The following MCMBP variants were observed in gnomAD, a reference collection of about 807,000 sequenced individuals.
MCMBP encodes minichromosome maintenance complex binding protein, also known as mini-chromosome maintenance complex-binding protein.
Under a neutral mutation model 81.3 loss-of-function variants are expected in MCMBP, and 31 were observed. The observed-to-expected ratio is 0.38, with a 90% CI of 0.29 to 0.51. The LOEUF (loss-of-function observed/expected upper bound fraction) is 0.51. Ranked by LOEUF, MCMBP falls within the 20% of genes least tolerant of loss-of-function variation. The pLI is 0.87. For missense variants in MCMBP, 645 were observed against 772.1 expected (o/e 0.84, Z 1.95); for synonymous variants, 267 against 275.9 (o/e 0.97, Z 0.32).
At position 119,843,311 on chromosome 10, in the gene MCMBP, A is replaced by G. The variant is rs755382598; in HGVS notation, c.943T>C (p.Leu315=). The part of the protein sequence containing the change: ...PRIHVILAQK[L]QHINPLLPAC... ...GGCAATAATGGGTTGATGTGTTGCA[A>G]CTTCTGGGCTAAGATCACATGAATT... Residue 315 remains leucine, a synonymous_variant, in exon 9 of 16, where the codon TTG becomes CTG. Coordinates refer to ENST00000369077, the MANE Select transcript of MCMBP (RefSeq NM_001256378.2). 3.1e-6 allele frequency: 5 copies of G among 1,614,016 alleles called. No homozygotes were observed. The Admixed American group carries it at 8.3e-5, about 27-fold the overall frequency.
Position 119,859,160 on chromosome 10 carries a change from G to C in MCMBP, c.166C>G (p.Pro56Ala), listed in dbSNP as rs747816047. Residue 56 changes from proline (P) to alanine (A), a missense_variant, in exon 3 of 16, where the codon CCC becomes GCC. By Grantham distance (27) the Pro-to-Ala change is conservative (BLOSUM62 -1). Coordinates refer to ENST00000369077, the MANE Select transcript of MCMBP (RefSeq NM_001256378.2). ...CTATTAGGTTTCAAATAATGAAGGG[G>C]AACTTCGTTCAGTGATGGTACCTTA... ...PKWVPSLNEV[P>A]LHYLKPNSFV... is the part of the protein sequence containing the mutation. 3.5e-5 allele frequency: 57 copies of C among 1,613,390 alleles called. No homozygotes were observed. Among genetic ancestry groups the C allele is most frequent in the Non-Finnish European group, 4.7e-5 (55 of 1,179,786 alleles).
intron 4 of MCMBP, 118 bp from the exon 5 acceptor site, chr10:119,857,557 T>C: frequency 1.8e-6 from 1 of 554,450 alleles, no homozygotes; most frequent in Non-Finnish European, 3.2e-6. Flanking sequence ...TACAGATTAA[T>C]TAACAAGTAA....
chr10:119,842,671 A>G, intron 9 of MCMBP, 76 bp from the exon 10 acceptor site: 1 of 1,499,204 alleles, frequency 6.7e-7, no homozygotes, highest in Non-Finnish European at 9.0e-7. Flanking sequence ...AAAAATAACT[A>G]CGTGAGCAAA....
At chr10:119,871,545 A>G (rs1434908942) in intron 1 of MCMBP, among the ~76,000 whole-genome samples, 2 of 152,186 alleles carry the variant, frequency 1.3e-5, no homozygotes, top group African/African-American at 2.4e-5. Flanking sequence ...AGGCCCTCCT[A>G]TAAGAAATAC....
At position 119,830,640 on chromosome 10, in the gene MCMBP, G is replaced by A. The variant is rs1000376674; in HGVS notation, c.*834C>T. ...GGTTCTCAAATGCACTGGGATAGGAGAAAATAAAGACAATGTAGTGTCTTG... is the reference window on the plus strand; with the variant it reads ...GGTTCTCAAATGCACTGGGATAGGAAAAAATAAAGACAATGTAGTGTCTTG... On this transcript the variant is annotated 3_prime_UTR_variant, in exon 16 of 16. Transcript: ENST00000369077. 1 of 152,462 alleles carries A rather than the reference G, an allele frequency of 6.6e-6. No individual in the cohort carries two copies. 9.4% of individuals were successfully genotyped at this position (152,462 alleles called of 1,614,324 possible).
intron 1 of MCMBP, among the ~76,000 whole-genome samples, chr10:119,866,876 C>G (rs1482354660): frequency 1.3e-5 from 2 of 151,446 alleles, no homozygotes; most frequent in African/African-American, 2.4e-5. Context: ...GGCAGTAGAA[C>G]TGCTTGAACC....
chr10:119,836,435 G>A (rs1254922467), intron 13 of MCMBP, among the ~76,000 whole-genome samples: 1 of 152,168 alleles, frequency 6.6e-6, no homozygotes, highest in Non-Finnish European at 1.5e-5. Context: ...AGAATTAAAA[G>A]CTCTCTTTAC....
chr10:119,862,242 G>A (rs1438534170), intron 1 of MCMBP, among the ~76,000 whole-genome samples: 1 of 152,128 alleles, frequency 6.6e-6, no homozygotes, highest in African/African-American at 2.4e-5. Flanking sequence ...GGGAGGTGGA[G>A]GTTGCAGTGG....
intron 8 of MCMBP, 152 bp downstream of exon 8, chr10:119,847,461 T>C: frequency 2.1e-6 from 1 of 476,698 alleles, no homozygotes; most frequent in South Asian, 4.1e-5. Flanking sequence ...AGAGCACAAA[T>C]GAATGACAAA....
At chr10:119,849,373 C>A (rs1852728968) in intron 7 of MCMBP, 52 bp downstream of exon 7, 2 of 1,561,180 alleles carry the variant, frequency 1.3e-6, no homozygotes, top group East Asian at 2.3e-5. Flanking sequence ...CACTAAGCTA[C>A]TTTCTGAGAC....
intron 1 of MCMBP, among the ~76,000 whole-genome samples, chr10:119,866,609 G>C (rs891666986): frequency 6.6e-6 from 1 of 152,102 alleles, no homozygotes; most frequent in African/African-American, 2.4e-5. Flanking sequence ...CTGGGCAACA[G>C]AGTGAGACTC....
At chr10:119,835,735 T>C in intron 13 of MCMBP, 31 bp from the exon 14 acceptor site, 1 of 1,609,754 alleles carries the variant, frequency 6.2e-7, no homozygotes, top group Non-Finnish European at 8.5e-7. Flanking sequence ...CTGTATTTTC[T>C]GAGTTCCTAA....
intron 1 of MCMBP, among the ~76,000 whole-genome samples, chr10:119,871,476 G>A (rs1280135025): frequency 6.6e-6 from 1 of 152,064 alleles, no homozygotes; most frequent in Non-Finnish European, 1.5e-5. Context: ...GGGAAGCCAG[G>A]TAACTAAACT....
Position 119,853,139 on chromosome 10 carries a change from C to T in MCMBP, c.485G>A (p.Ser162Asn). The part of the protein sequence containing the change: ...RVSPSTSYTP[S>N]RHKRSYEDDD... ...ATCTTCATAACTCCTCTTGTGGCGA[C>T]TAGGAGTGTAGGATGTTGAGGGACT... The change falls in exon 6 of 16, where the codon AGT becomes AAT. Residue 162 changes from serine to asparagine, a missense_variant. By Grantham distance (46) the Ser-to-Asn change is conservative (BLOSUM62 1). Transcript: ENST00000369077. The T allele has an allele frequency of 3.1e-6, 5 of 1,614,118 alleles. No individual in the cohort carries two copies. The highest frequency in any genetic ancestry group is 4.2e-6 in the Non-Finnish European group (5 of 1,180,008).
chr10:119,847,959 A>C (rs180873056), intron 7 of MCMBP, among the ~76,000 whole-genome samples: 96 of 146,932 alleles, frequency 6.5e-4, no homozygotes, highest in Non-Finnish European at 1.0e-3. Context: ...ACAGTACTAC[A>C]AAAAAAAAAG....
At chr10:119,848,927 T>C (rs1305692571) in intron 7 of MCMBP, among the ~76,000 whole-genome samples, 1 of 152,240 alleles carries the variant, frequency 6.6e-6, no homozygotes, top group African/African-American at 2.4e-5. Context: ...TTTGAGATGT[T>C]CTTCGATTCT....
At chr10:119,849,372 A>G in intron 7 of MCMBP, 53 bp downstream of exon 7, 1 of 1,560,014 alleles carries the variant, frequency 6.4e-7, no homozygotes, top group Non-Finnish European at 8.7e-7. Flanking sequence ...ACACTAAGCT[A>G]CTTTCTGAGA....
At position 119,854,044 on chromosome 10, in the gene MCMBP, TC is replaced by T. The variant is rs1485292149; in HGVS notation, c.430-851del. On this transcript the variant is annotated intron_variant, in intron 5 of 15. Coordinates refer to ENST00000369077, the MANE Select transcript of MCMBP (RefSeq NM_001256378.2). ...TGAGAACTCATCTCTTTTTTCCTTT[TC>T]TTTTTTTTTTTTTTTGAGACAGTCT... is the stretch of plus-strand genomic sequence containing the variant. Among the ~76,000 whole-genome samples the T allele has an allele frequency of 3.4e-3, 500 of 148,426 alleles. 1 individual carries two copies. The highest frequency in any genetic ancestry group is 0.012 in the African/African-American group (482 of 39,706).
At chr10:119,855,597 G>T (rs982395876) in intron 5 of MCMBP, among the ~76,000 whole-genome samples, 7 of 152,148 alleles carry the variant, frequency 4.6e-5, no homozygotes, top group Non-Finnish European at 1.0e-4. Context: ...CTTGAACCTG[G>T]CAGGCTGAGG....
Sources: allele counts gnomAD v4.1 joint callset (sites outside exome capture counted in the v4.1 genomes callset), GRCh38; gene constraint gnomAD v4.1.1; transcripts MANE v1.5; gene names NCBI Gene and HGNC (gene_info 2026-07-23, HGNC 2026-07-21).